Variants in NSL1 observed in about 807,000 individuals in gnomAD.
The protein encoded by NSL1 is NSL1 component of MIS12 kinetochore complex.
NSL1 carries 11 observed loss-of-function variants against 25.4 expected under a neutral mutation model. That is an observed-to-expected ratio of 0.43 (90% confidence interval 0.27 to 0.72). The LOEUF (loss-of-function observed/expected upper bound fraction) is 0.72. Ranked by LOEUF, NSL1 falls within the 30% of genes least tolerant of loss-of-function variation. The pLI is 0.19. For missense variants in NSL1, 330 were observed against 342.7 expected, an observed-to-expected ratio of 0.96 and a Z score of 0.29; for synonymous variants, 118 against 120.6, an observed-to-expected ratio of 0.98 and a Z score of 0.14.
Position 212,727,165 on chromosome 1 carries a change from C to G in NSL1, c.*11243G>C. 6.4e-7 allele frequency: 1 copy of G among 1,571,842 alleles called. No homozygotes were observed. Among genetic ancestry groups the G allele is most frequent in the South Asian group, 1.2e-5 (1 of 85,046 alleles). On this transcript the variant is annotated 3_prime_UTR_variant, in exon 6 of 6. Transcript: ENST00000366977. Reference sequence around the variant, plus strand: ...TCCTAAACTGCCCCTAGAGCTAGTCCACCAGGCTTGGCTCCTAATGTGTTA... The same window carrying G: ...TCCTAAACTGCCCCTAGAGCTAGTCGACCAGGCTTGGCTCCTAATGTGTTA...
intron 4 of NSL1, among the ~76,000 whole-genome samples, chr1:212,773,634 CA>C (rs56307222): frequency 6.6e-6 from 1 of 150,642 alleles, no homozygotes; most frequent in Non-Finnish European, 1.5e-5. Flanking sequence ...GGAGGTTCCT[CA>C]AAAAAAAACT....
In NSL1 at chr1:212,728,400, A is replaced by T; in HGVS notation, c.*10008T>A. ...GCTATTTATTAATGGCCTTTTACCC[A>T]ATCTGGGACACTATTACAGTTGTGG... On this transcript the variant is annotated 3_prime_UTR_variant, in exon 6 of 6. Transcript: ENST00000366977. 1.0e-6 allele frequency: 1 copy of T among 985,412 alleles called. No individual in the cohort carries two copies. Among genetic ancestry groups the T allele is most frequent in the Non-Finnish European group, 1.2e-6 (1 of 829,938 alleles). The allele number at this position is 985,412 out of a possible 1,614,324, so 61.0% of individuals were successfully genotyped here. A position where few individuals can be genotyped will look rare whatever the true frequency, so the allele number is the denominator to read the frequency against.
chr1:212,790,484 T>C (rs916004875), intron 1 of NSL1, among the ~76,000 whole-genome samples: 17 of 152,176 alleles, frequency 1.1e-4, no homozygotes, highest in African/African-American at 3.9e-4. Context: ...CTGAAGGTGG[T>C]AGTTTTTTGG....
rs1335283593 is a variant in NSL1 at position 212,727,021 on chromosome 1, C to T, written c.*11387G>A. On this transcript the variant is annotated 3_prime_UTR_variant, in exon 6 of 6. Transcript: ENST00000366977. ...AGAGGCCCTCCAGTCCAGTCTACTC[C>T]GGCCTTGGAGATGACTGCCGAGAGA... 4.9e-5 allele frequency: 65 copies of T among 1,315,038 alleles called. No individual in the cohort carries two copies. Among genetic ancestry groups the T allele is most frequent in the South Asian group, 1.4e-4 (10 of 70,404 alleles). 81.5% of individuals were successfully genotyped at this position (1,315,038 alleles called of 1,614,324 possible).
At chr1:212,753,316 C>A (rs1571880427) in intron 4 of NSL1, among the ~76,000 whole-genome samples, 2 of 152,348 alleles carry the variant, frequency 1.3e-5, no homozygotes, top group East Asian at 3.9e-4. Context: ...CCCTCTATTA[C>A]TCACTTCACT....
At chr1:212,782,557 T>A in intron 3 of NSL1, 131 bp from the exon 4 acceptor site, 1 of 694,446 alleles carries the variant, frequency 1.4e-6, no homozygotes, top group Non-Finnish European at 2.5e-6. Context: ...AATCCTACTG[T>A]CTGTAGGGAA....
At chr1:212,775,259 G>A (rs1361069712) in intron 4 of NSL1, among the ~76,000 whole-genome samples, 1 of 152,108 alleles carries the variant, frequency 6.6e-6, no homozygotes, top group African/African-American at 2.4e-5. Flanking sequence ...ATGAGAGACT[G>A]GAAATAATGG....
intron 4 of NSL1, chr1:212,763,989 AG>A (rs1262617380): frequency 2.3e-6 from 1 of 428,766 alleles, no homozygotes; most frequent in Non-Finnish European, 4.7e-6. Context: ...TCTCCTCATC[AG>A]CACATGGAAC....
At chr1:212,767,927 G>A (rs1230860631) in intron 4 of NSL1, among the ~76,000 whole-genome samples, 1 of 152,190 alleles carries the variant, frequency 6.6e-6, no homozygotes, top group Non-Finnish European at 1.5e-5. Flanking sequence ...AACAATAGAT[G>A]TTGGCATGGC....
In NSL1 at chr1:212,732,289, A is replaced by G. The variant is rs2358899; in HGVS notation, c.*6119T>C. On this transcript the variant is annotated 3_prime_UTR_variant, in exon 6 of 6. Transcript: ENST00000366977. Reference sequence around the variant, plus strand: ...TTGTCACTTTTATTTTTTTCTGAAAATATCTCTTTTGGAGTCCTACATAGT... The same window carrying G: ...TTGTCACTTTTATTTTTTTCTGAAAGTATCTCTTTTGGAGTCCTACATAGT... 147,025 of 967,056 alleles carry G rather than the reference A, an allele frequency of 0.15. 11,941 individuals carry two copies. The highest frequency in any genetic ancestry group is 0.28 in the African/African-American group (15,908 of 56,106). 59.9% of individuals were successfully genotyped at this position (967,056 alleles called of 1,614,324 possible). A position where few individuals can be genotyped will look rare whatever the true frequency, so the allele number is the denominator to read the frequency against.
At chr1:212,782,222 T>C (rs965748641) in intron 4 of NSL1, 150 bp downstream of exon 4, 3 of 701,946 alleles carry the variant, frequency 4.3e-6, no homozygotes, top group African/African-American at 3.5e-5. Context: ...CTCTTAATTC[T>C]AGATGAAATG....
At chr1:212,777,060 T>TAA (rs1184302329) in intron 4 of NSL1, among the ~76,000 whole-genome samples, 22 of 137,086 alleles carry the variant, frequency 1.6e-4, no homozygotes, top group Non-Finnish European at 2.4e-4. Context: ...CTGAAAAGAC[T>TAA]AAAAAAAAAA....
chr1:212,764,971 A>G (rs1270164378), intron 4 of NSL1, among the ~76,000 whole-genome samples: 2 of 151,820 alleles, frequency 1.3e-5, no homozygotes, highest in African/African-American at 4.8e-5. Context: ...ATGTGCACAA[A>G]CTACAAAATC....
Position 212,737,838 on chromosome 1 carries a change from A to T in NSL1, c.*570T>A. 3 of 985,332 alleles carry T rather than the reference A, an allele frequency of 3.0e-6. No individual in the cohort carries two copies. The highest frequency in any genetic ancestry group is 2.4e-6 in the Non-Finnish European group (2 of 829,850). 61.0% of individuals were successfully genotyped at this position (985,332 alleles called of 1,614,324 possible). A position where few individuals can be genotyped will look rare whatever the true frequency, so the allele number is the denominator to read the frequency against. ...ATTGTCTTACACAACAAAAAATCCT[A>T]AAGTTAATCTCACAAACCTAAATTA... is the stretch of plus-strand genomic sequence containing the variant. On this transcript the variant is annotated 3_prime_UTR_variant, in exon 6 of 6. Transcript: ENST00000366977.
intron 4 of NSL1, among the ~76,000 whole-genome samples, chr1:212,764,724 T>C (rs538729658): frequency 2.0e-5 from 3 of 151,316 alleles, no homozygotes; most frequent in East Asian, 3.9e-4. Flanking sequence ...CAGGCGCCTG[T>C]AATCCCAGCC....
intron 4 of NSL1, among the ~76,000 whole-genome samples, chr1:212,756,685 T>G (rs968093091): frequency 3.3e-5 from 5 of 152,082 alleles, no homozygotes; most frequent in African/African-American, 9.7e-5. Flanking sequence ...CCAGGTGTGA[T>G]GGCGGGTGCC....
chr1:212,736,181 G>T lies in NSL1; in HGVS notation c.*2227C>A. On this transcript the variant is annotated 3_prime_UTR_variant, in exon 6 of 6. Coordinates refer to ENST00000366977, the MANE Select transcript of NSL1 (RefSeq NM_015471.4). ...GCCTCCTGGGTGGCTGGGACTACAG[G>T]TGTGTGCCATCACACCCTGCTAATT... 1 of 600,276 alleles carries T rather than the reference G, an allele frequency of 1.7e-6. No homozygotes were observed. 37.2% of individuals were successfully genotyped at this position (600,276 alleles called of 1,614,324 possible). A position where few individuals can be genotyped will look rare whatever the true frequency, so the allele number is the denominator to read the frequency against.
chr1:212,769,794 T>C (rs1310544027), intron 4 of NSL1, among the ~76,000 whole-genome samples: 5 of 151,904 alleles, frequency 3.3e-5, no homozygotes, highest in African/African-American at 4.8e-5. Context: ...GAACAAAGGA[T>C]ATATAAAACA....
chr1:212,731,983 T>C lies in NSL1; in HGVS notation c.*6425A>G. On this transcript the variant is annotated 3_prime_UTR_variant, in exon 6 of 6. Coordinates refer to ENST00000366977, the MANE Select transcript of NSL1 (RefSeq NM_015471.4). ...TAACTGTTCAGTGCCTGTGCTGTAC[T>C]AATTGCTAATTCCCATCCTTTAGCC... 1.0e-6 allele frequency: 1 copy of C among 984,848 alleles called. No homozygotes were observed. Among genetic ancestry groups the C allele is most frequent in the Non-Finnish European group, 1.2e-6 (1 of 829,854 alleles). 61.0% of individuals were successfully genotyped at this position (984,848 alleles called of 1,614,324 possible). A position where few individuals can be genotyped will look rare whatever the true frequency, so the allele number is the denominator to read the frequency against.
Sources: gnomAD v4.1 joint callset for allele counts (sites outside exome capture counted in the v4.1 genomes callset) on GRCh38, gnomAD v4.1.1 for gene constraint, MANE v1.5 for transcripts, NCBI Gene and HGNC (gene_info 2026-07-23, HGNC 2026-07-21) for gene names.